Variants in COL24A1 observed in about 807,000 individuals in gnomAD.
COL24A1 encodes collagen type XXIV alpha 1 chain.
In COL24A1, 224 loss-of-function variants were observed where a neutral mutation model predicts 253.9. The ratio of observed to expected loss-of-function variants is 0.88; its 90% CI spans 0.79 to 0.99. COL24A1 has a LOEUF of 0.99. Among genes scored for constraint, COL24A1 ranks in the 50% least tolerant of loss-of-function variants. The probability of loss-of-function intolerance (pLI) is 0.00; values close to 1 mark genes in which losing one functional copy is unlikely to be tolerated. For missense variants in COL24A1, 2,131 were observed against 2,068.5 expected, an observed-to-expected ratio of 1.03 and a Z score of -0.59; for synonymous variants, 685 against 673.7, an observed-to-expected ratio of 1.02 and a Z score of -0.26.
intron 37 of COL24A1, among the ~76,000 whole-genome samples, chr1:85,853,177 G>A (rs1339943845): frequency 6.6e-6 from 1 of 152,128 alleles, no homozygotes; most frequent in Non-Finnish European, 1.5e-5. Flanking sequence ...TTGTGTCCAT[G>A]TGTACTCAAG....
At chr1:85,907,610 A>T (rs1046546344) in intron 27 of COL24A1, among the ~76,000 whole-genome samples, 35 of 151,868 alleles carry the variant, frequency 2.3e-4, no homozygotes, top group African/African-American at 8.4e-4. Flanking sequence ...AGCAATGGCT[A>T]TCATGGTAAT....
At chr1:85,899,238 G>A (rs1397945115) in intron 28 of COL24A1, among the ~76,000 whole-genome samples, 1 of 151,904 alleles carries the variant, frequency 6.6e-6, no homozygotes, top group African/African-American at 2.4e-5. Context: ...AAAAGAAGAA[G>A]GCCAAAAGAC....
At chr1:86,105,352 T>C (rs568267523) in intron 5 of COL24A1, among the ~76,000 whole-genome samples, 1 of 152,140 alleles carries the variant, frequency 6.6e-6, no homozygotes, top group Non-Finnish European at 1.5e-5. Flanking sequence ...CTGGGGATGC[T>C]GCAGTGAGGG....
At chr1:86,105,735 C>T (rs557551492) in intron 5 of COL24A1, among the ~76,000 whole-genome samples, 10 of 152,282 alleles carry the variant, frequency 6.6e-5, no homozygotes, top group African/African-American at 1.2e-4. Flanking sequence ...TTATCTAAGC[C>T]GCTCTCCCTG....
chr1:85,927,364 C>G (rs917746028), intron 24 of COL24A1, among the ~76,000 whole-genome samples: 1 of 151,486 alleles, frequency 6.6e-6, no homozygotes, highest in Non-Finnish European at 1.5e-5. Flanking sequence ...GAATATTGCG[C>G]TTTTCAGACC....
At chr1:85,894,054 T>C (rs760134758) in intron 31 of COL24A1, among the ~76,000 whole-genome samples, 6 of 152,194 alleles carry the variant, frequency 3.9e-5, no homozygotes, top group Non-Finnish European at 7.3e-5. Context: ...TTGTTGATAG[T>C]GCATAAATGA....
chr1:85,820,720 A>G (rs1673534336), intron 45 of COL24A1, among the ~76,000 whole-genome samples: 1 of 152,206 alleles, frequency 6.6e-6, no homozygotes, highest in Admixed American at 6.5e-5. Context: ...AATGGATTAG[A>G]TTTACAGTAC....
At chr1:85,916,417 A>G (rs1685902810) in intron 24 of COL24A1, among the ~76,000 whole-genome samples, 2 of 152,236 alleles carry the variant, frequency 1.3e-5, no homozygotes, top group South Asian at 2.1e-4. Flanking sequence ...GGCCATGCCC[A>G]TGGATATCTT....
intron 11 of COL24A1, among the ~76,000 whole-genome samples, chr1:86,047,775 T>C (rs989863817): frequency 6.6e-6 from 1 of 152,100 alleles, no homozygotes; most frequent in African/African-American, 2.4e-5. Flanking sequence ...ATTAAAAATA[T>C]CTTTATATTT....
At position 86,125,348 on chromosome 1, in the gene COL24A1, G is replaced by A. The variant is rs1338316333; in HGVS notation, c.988C>T (p.His330Tyr). The change falls in exon 3 of 60, where the codon CAT (histidine) becomes TAT (tyrosine). Residue 330 changes from histidine (H) to tyrosine (Y), a missense_variant. His to Tyr is a moderately conservative substitution (Grantham distance 83, BLOSUM62 2). Coordinates refer to ENST00000370571, the MANE Select transcript of COL24A1 (RefSeq NM_152890.7). ...GNVSAVDLTN[H>Y]GIQAKEMITE... is the part of the protein sequence containing the mutation. Reference sequence around the variant, plus strand: ...ATCATTTCTTTGGCCTGAATCCCATGGTTTGTGAGATCCACAGCAGAGACA... The same window carrying A: ...ATCATTTCTTTGGCCTGAATCCCATAGTTTGTGAGATCCACAGCAGAGACA... The A allele has an allele frequency of 6.2e-7, 1 of 1,613,652 alleles. No homozygotes were observed. Among genetic ancestry groups the A allele is most frequent in the East Asian group, 2.2e-5 (1 of 44,848 alleles).
intron 45 of COL24A1, among the ~76,000 whole-genome samples, chr1:85,821,995 A>G (rs1673672231): frequency 1.3e-5 from 2 of 152,236 alleles, no homozygotes; most frequent in Non-Finnish European, 2.9e-5. Context: ...ATAAGGAAGT[A>G]GCATGACAGC....
chr1:86,110,559 G>T (rs895526735), intron 5 of COL24A1, among the ~76,000 whole-genome samples: 2 of 152,072 alleles, frequency 1.3e-5, no homozygotes, highest in Non-Finnish European at 2.9e-5. Context: ...AGGTGTGGAG[G>T]GAGAGGCGCA....
At chr1:85,895,981 TA>T in intron 30 of COL24A1, 39 bp downstream of exon 30, 1 of 1,599,588 alleles carries the variant, frequency 6.3e-7, no homozygotes. Context: ...AAAAAAGACT[TA>T]AAATGTTCAT....
At chr1:85,885,182 T>G (rs1295568490) in intron 32 of COL24A1, among the ~76,000 whole-genome samples, 1 of 138,538 alleles carries the variant, frequency 7.2e-6, no homozygotes, top group African/African-American at 2.5e-5. Context: ...TCCTTACATT[T>G]CATACCAGAA....
intron 43 of COL24A1, among the ~76,000 whole-genome samples, chr1:85,837,228 A>C (rs907066960): frequency 1.3e-5 from 2 of 152,202 alleles, no homozygotes; most frequent in African/African-American, 4.8e-5. Context: ...AACAGAACAC[A>C]TATAACCTGC....
intron 8 of COL24A1, 127 bp downstream of exon 8, chr1:86,063,588 C>A (rs993157549): frequency 2.0e-6 from 1 of 507,438 alleles, no homozygotes; most frequent in East Asian, 3.1e-5. Context: ...GGTTGTCCTG[C>A]ACTAAACAGA....
chr1:85,843,277 T>A (rs1287011715), intron 39 of COL24A1, among the ~76,000 whole-genome samples: 1 of 152,208 alleles, frequency 6.6e-6, no homozygotes, highest in African/African-American at 2.4e-5. Context: ...ACATTGCAAC[T>A]ATTAACCATT....
At chr1:85,888,682 T>G (rs1282379210) in intron 32 of COL24A1, among the ~76,000 whole-genome samples, 1 of 152,084 alleles carries the variant, frequency 6.6e-6, no homozygotes, top group Non-Finnish European at 1.5e-5. Context: ...GATTCTTTAT[T>G]TGGAAAGAAC....
intron 47 of COL24A1, among the ~76,000 whole-genome samples, chr1:85,805,336 T>C (rs1317645750): frequency 6.6e-6 from 1 of 152,086 alleles, no homozygotes; most frequent in Non-Finnish European, 1.5e-5. Flanking sequence ...AGGAAGGAAA[T>C]AAATCTGCCA....
Sources: gnomAD v4.1 joint callset for allele counts (sites outside exome capture counted in the v4.1 genomes callset) on GRCh38, gnomAD v4.1.1 for gene constraint, MANE v1.5 for transcripts, NCBI Gene and HGNC (gene_info 2026-07-23, HGNC 2026-07-21) for gene names.